MCPH1: variants seen among roughly 807,000 people sequenced by gnomAD.
MCPH1 encodes microcephalin.
A neutral mutation model predicts 84.5 loss-of-function variants in MCPH1; 104 were observed. The ratio of observed to expected loss-of-function variants is 1.23; its 90% CI spans 1.05 to 1.45. The LOEUF (loss-of-function observed/expected upper bound fraction) is 1.45, where lower values mean the gene tolerates loss of function less well. Ranked by LOEUF, MCPH1 falls within the 40% of genes most tolerant of loss-of-function variation. The pLI, the probability that MCPH1 is intolerant of heterozygous loss-of-function variation, is 0.00. For synonymous variants in MCPH1, 514 were observed against 366.8 expected (o/e 1.40, Z -4.58); for missense variants, 1,498 against 1,005.7 (o/e 1.49, Z -6.62).
At chr8:6,534,815 C>G (rs984427420) in intron 12 of MCPH1, among the ~76,000 whole-genome samples, 1 of 152,118 alleles carries the variant, frequency 6.6e-6, no homozygotes, top group Non-Finnish European at 1.5e-5. Context: ...TCTCCTTCCT[C>G]CCCTGCCTTT....
intron 12 of MCPH1, among the ~76,000 whole-genome samples, chr8:6,605,349 C>T (rs1287312091): frequency 1.3e-5 from 2 of 152,210 alleles, no homozygotes; most frequent in South Asian, 2.1e-4. Flanking sequence ...GCTTGTTTCA[C>T]CCAGGGGTGA....
intron 13 of MCPH1, chr8:6,626,526 C>T (rs1586860759): frequency 7.3e-6 from 7 of 958,456 alleles, no homozygotes; most frequent in Non-Finnish European, 7.3e-6. Context: ...GGTGGTTGAA[C>T]ATGGATAAAA....
intron 11 of MCPH1, among the ~76,000 whole-genome samples, chr8:6,494,697 A>T (rs969275326): frequency 6.6e-6 from 1 of 152,192 alleles, no homozygotes. Flanking sequence ...AGAATAGGTA[A>T]ATCCATAGAA....
At chr8:6,512,417 T>C (rs755639474) in intron 12 of MCPH1, among the ~76,000 whole-genome samples, 2 of 152,212 alleles carry the variant, frequency 1.3e-5, no homozygotes, top group Non-Finnish European at 2.9e-5. Context: ...GACGAGACTG[T>C]AGGTCAGATG....
chr8:6,600,834 C>T (rs1829303058), intron 12 of MCPH1, among the ~76,000 whole-genome samples: 2 of 152,146 alleles, frequency 1.3e-5, no homozygotes, highest in South Asian at 2.1e-4. Context: ...GCTATGGGCT[C>T]CCATCAAGGG....
rs557732746 is a variant in MCPH1, at chr8:6,459,587, T to C, written c.1935+4335T>C. ...TTTCACCAGCTAATGACTGAAGCAA[T>C]GCCTCTACTAGAATGGAGAACAGTA... On this transcript the variant is annotated intron_variant, in intron 9 of 13. Transcript: ENST00000344683. 1.2e-4 allele frequency among the ~76,000 whole-genome samples: 18 copies of C among 152,352 alleles called. No homozygotes were observed. The East Asian group carries it at 3.5e-3, about 29-fold the overall frequency.
chr8:6,436,296 C>T (rs1261944370), intron 5 of MCPH1, 134 bp downstream of exon 5: 16 of 1,017,648 alleles, frequency 1.6e-5, no homozygotes, highest in Non-Finnish European at 2.2e-5. Flanking sequence ...AAGGAGAAAA[C>T]AAAATGTCAG....
chr8:6,479,402 CTATTTATT>C (rs149984870), intron 10 of MCPH1, among the ~76,000 whole-genome samples: 10,084 of 140,202 alleles, frequency 0.072, 393 homozygotes, highest in East Asian at 0.14. Context: ...ATTTCTTTTT[CTATTTATT>C]TATTTATTTA....
At chr8:6,514,436 G>A (rs967127647) in intron 12 of MCPH1, among the ~76,000 whole-genome samples, 1 of 152,092 alleles carries the variant, frequency 6.6e-6, no homozygotes, top group Non-Finnish European at 1.5e-5. Flanking sequence ...TAATCCATCT[G>A]CCTCGGCCTC....
At chr8:6,609,551 T>A (rs888217680) in intron 12 of MCPH1, among the ~76,000 whole-genome samples, 3 of 152,194 alleles carry the variant, frequency 2.0e-5, no homozygotes, top group African/African-American at 7.2e-5. Context: ...TCAGCGAAAG[T>A]CAGGGGGAAA....
chr8:6,528,590 G>A (rs550519290), intron 12 of MCPH1, among the ~76,000 whole-genome samples: 6 of 152,200 alleles, frequency 3.9e-5, no homozygotes, highest in Non-Finnish European at 7.3e-5. Flanking sequence ...CAGCCTTGCC[G>A]TGCGGGCCTT....
chr8:6,419,575 T>G (rs1248176594), intron 3 of MCPH1, among the ~76,000 whole-genome samples: 2 of 124,038 alleles, frequency 1.6e-5, no homozygotes, highest in Non-Finnish European at 3.6e-5. Flanking sequence ...TTTTTTTTTT[T>G]GTATTTTTAG....
intron 13 of MCPH1, among the ~76,000 whole-genome samples, chr8:6,629,170 G>A (rs150771531): frequency 1.2e-4 from 18 of 152,290 alleles, no homozygotes; most frequent in Non-Finnish European, 1.8e-4. Context: ...GTCCTTATAC[G>A]AAGAGGAAGA....
intron 12 of MCPH1, among the ~76,000 whole-genome samples, chr8:6,524,545 T>C (rs1319394677): frequency 6.6e-6 from 1 of 152,224 alleles, no homozygotes; most frequent in Non-Finnish European, 1.5e-5. Context: ...GAGTGATAGT[T>C]GGGTTCAGAT....
In MCPH1 at chr8:6,455,102, A is replaced by G. The variant is rs756627628; in HGVS notation, c.1826-41A>G. On this transcript the variant is annotated intron_variant, in intron 8 of 13. Transcript: ENST00000344683. Reference sequence around the variant, plus strand: ...GTTTTGCTTAAGTTGTATTTGGTCCATGTAAAGTTCTAACTAATTTTTAAT... The same window carrying G: ...GTTTTGCTTAAGTTGTATTTGGTCCGTGTAAAGTTCTAACTAATTTTTAAT... 50 of 1,478,990 alleles carry G rather than the reference A, an allele frequency of 3.4e-5. No individual in the cohort carries two copies. In the South Asian group the frequency reaches 4.9e-4, roughly 14 times the overall value. The allele number at this position is 1,478,990 out of a possible 1,614,324, so 91.6% of individuals were successfully genotyped here. A position where few individuals can be genotyped will look rare whatever the true frequency, so the allele number is the denominator to read the frequency against.
At chr8:6,469,133 T>C (rs1002815642) in intron 9 of MCPH1, among the ~76,000 whole-genome samples, 1 of 152,124 alleles carries the variant, frequency 6.6e-6, no homozygotes, top group African/African-American at 2.4e-5. Flanking sequence ...TGAGCCGTGA[T>C]TGTACCACTG....
At chr8:6,446,332 T>G in intron 8 of MCPH1, 1 of 985,104 alleles carries the variant, frequency 1.0e-6, no homozygotes, top group Non-Finnish European at 1.2e-6. Context: ...AAAATTTGAG[T>G]GAGAACGCAT....
chr8:6,497,998 T>C (rs148318421), intron 11 of MCPH1, among the ~76,000 whole-genome samples: 2 of 152,302 alleles, frequency 1.3e-5, no homozygotes, highest in African/African-American at 4.8e-5. Flanking sequence ...ACAGGAAGTG[T>C]CATCCAGTGC....
chr8:6,625,965 G>GA, intron 13 of MCPH1: 2 of 985,050 alleles, frequency 2.0e-6, no homozygotes, highest in Non-Finnish European at 2.4e-6. Flanking sequence ...AGTATTCTGT[G>GA]GCCAGAGGAG....
Sources: allele counts gnomAD v4.1 joint callset (sites outside exome capture counted in the v4.1 genomes callset), GRCh38; gene constraint gnomAD v4.1.1; transcripts MANE v1.5; gene names NCBI Gene and HGNC (gene_info 2026-07-23, HGNC 2026-07-21).